DCDC2: variants seen among roughly 807,000 people sequenced by gnomAD.
The protein encoded by DCDC2 is doublecortin domain-containing protein 2.
A neutral mutation model predicts 50.2 loss-of-function variants in DCDC2; 40 were observed. That is an observed-to-expected ratio of 0.80 (90% CI 0.62 to 1.04). The LOEUF is 1.04. DCDC2 is among the 50% of genes least tolerant of loss of function. The pLI, the probability that DCDC2 is intolerant of heterozygous loss-of-function variation, is 0.00. For missense variants in DCDC2, 570 were observed against 581.9 expected (o/e 0.98, Z 0.21); for synonymous variants, 234 against 210.6 (o/e 1.11, Z -0.96).
intron 2 of DCDC2, among the ~76,000 whole-genome samples, chr6:24,315,793 T>C (rs1273958761): frequency 2.0e-5 from 3 of 151,918 alleles, no homozygotes; most frequent in Non-Finnish European, 4.4e-5. Flanking sequence ...ATAATTAGAC[T>C]CCACTGCAGA....
At chr6:24,314,424 G>A (rs1177816041) in intron 2 of DCDC2, among the ~76,000 whole-genome samples, 2 of 152,014 alleles carry the variant, frequency 1.3e-5, no homozygotes, top group Admixed American at 1.3e-4. Flanking sequence ...AATGAGCTAT[G>A]ATCATGCTAC....
chr6:24,317,538 C>T (rs1380999170), intron 2 of DCDC2, among the ~76,000 whole-genome samples: 2 of 151,962 alleles, frequency 1.3e-5, no homozygotes, highest in Non-Finnish European at 2.9e-5. Flanking sequence ...TGAAATCATA[C>T]AAGTACTAAA....
chr6:24,202,034 A>G (rs1761600714), intron 8 of DCDC2, among the ~76,000 whole-genome samples: 2 of 152,202 alleles, frequency 1.3e-5, no homozygotes, highest in African/African-American at 2.4e-5. Context: ...AGGCAGATTC[A>G]CAGCTGAATT....
chr6:24,236,799 C>A (rs1762449152), intron 7 of DCDC2, among the ~76,000 whole-genome samples: 1 of 152,114 alleles, frequency 6.6e-6, no homozygotes, highest in Non-Finnish European at 1.5e-5. Context: ...CACCTGAGGT[C>A]AGGAGTTCAA....
intron 6 of DCDC2, among the ~76,000 whole-genome samples, chr6:24,279,884 T>A (rs969586577): frequency 6.6e-6 from 1 of 152,224 alleles, no homozygotes; most frequent in Non-Finnish European, 1.5e-5. Flanking sequence ...GCTTATGGAG[T>A]GACTAGTACA....
In DCDC2 at chr6:24,329,762, C is replaced by T. The variant is rs73382219; in HGVS notation, c.348+23807G>A. On this transcript the variant is annotated intron_variant, in intron 2 of 9. Coordinates refer to ENST00000378454, the MANE Select transcript of DCDC2 (RefSeq NM_016356.5). ...ATCCCACATGAAACATTCTTTCCTG[C>T]GCTATCTTCTATCAGCATTTATTTT... 2.9e-3 allele frequency among the ~76,000 whole-genome samples: 445 copies of T among 152,232 alleles called. 5 individuals are homozygous for T. Among genetic ancestry groups the T allele is most frequent in the African/African-American group, 1.0e-2 (415 of 41,538 alleles).
At chr6:24,340,926 A>G (rs527417628) in intron 2 of DCDC2, among the ~76,000 whole-genome samples, 35 of 152,216 alleles carry the variant, frequency 2.3e-4, no homozygotes, top group African/African-American at 7.2e-4. Flanking sequence ...GGGTTTCATC[A>G]TGTTGGCCAG....
intron 8 of DCDC2, among the ~76,000 whole-genome samples, chr6:24,192,163 AG>A (rs1002804811): frequency 4.6e-5 from 7 of 152,202 alleles, no homozygotes; most frequent in Non-Finnish European, 7.3e-5. Context: ...GCTCAGAACA[AG>A]GGGACTATAC....
At chr6:24,280,049 T>C (rs192043385) in intron 6 of DCDC2, among the ~76,000 whole-genome samples, 1 of 152,332 alleles carries the variant, frequency 6.6e-6, no homozygotes, top group Admixed American at 6.5e-5. Context: ...AAAGTAAATG[T>C]AGTAATATTA....
chr6:24,292,429 T>C (rs567566183), intron 4 of DCDC2, among the ~76,000 whole-genome samples: 102 of 152,038 alleles, frequency 6.7e-4, no homozygotes, highest in African/African-American at 2.4e-3. Flanking sequence ...ACAATGAAAA[T>C]AGCCACCAAT....
chr6:24,341,613 G>C lies in DCDC2; in HGVS notation c.348+11956C>G, dbSNP rs900097439. On this transcript the variant is annotated intron_variant, in intron 2 of 9. Coordinates refer to ENST00000378454, the MANE Select transcript of DCDC2 (RefSeq NM_016356.5). ...ATAGGACTATTAGCCTCCTACTTTC[G>C]AGACATGGACCTTTTTAGTTGTTTT... Among the ~76,000 whole-genome samples the C allele has an allele frequency of 3.5e-4, 53 of 151,894 alleles. 1 individual carries two copies. The highest frequency in any genetic ancestry group is 1.2e-3 in the African/African-American group (49 of 41,410).
chr6:24,371,758 G>A, the DCDC2 span, among the ~76,000 whole-genome samples: 3 of 152,126 alleles, frequency 2.0e-5, no homozygotes, highest in African/African-American at 7.2e-5. Context: ...AATCTACAAC[G>A]AACTCAAACA....
At chr6:24,290,616 G>T (rs143569598) in intron 5 of DCDC2, among the ~76,000 whole-genome samples, 1 of 151,982 alleles carries the variant, frequency 6.6e-6, no homozygotes, top group Non-Finnish European at 1.5e-5. Context: ...TTCTAATAAT[G>T]TTTGCTGTAG....
At chr6:24,293,352 G>A (rs1245444287) in intron 4 of DCDC2, among the ~76,000 whole-genome samples, 2 of 152,130 alleles carry the variant, frequency 1.3e-5, no homozygotes, top group African/African-American at 2.4e-5. Context: ...TTTATGGGAT[G>A]CTTTTTATAT....
At chr6:24,186,917 A>T (rs1243710867) in intron 8 of DCDC2, among the ~76,000 whole-genome samples, 15 of 152,032 alleles carry the variant, frequency 9.9e-5, no homozygotes, top group Non-Finnish European at 2.1e-4. Context: ...ATCCAATCTG[A>T]CTCATGTCAA....
At chr6:24,228,272 T>A (rs1762272590) in intron 7 of DCDC2, among the ~76,000 whole-genome samples, 1 of 152,238 alleles carries the variant, frequency 6.6e-6, no homozygotes. Flanking sequence ...TAGAAATGTC[T>A]GCACCCAGCT....
At chr6:24,376,827 A>G in the DCDC2 span, among the ~76,000 whole-genome samples, 7 of 145,364 alleles carry the variant, frequency 4.8e-5, no homozygotes, top group Non-Finnish European at 7.6e-5. Context: ...TAAAAAAAAA[A>G]AAAGAAAGAA....
At chr6:24,350,945 A>T (rs1283526940) in intron 2 of DCDC2, among the ~76,000 whole-genome samples, 2 of 152,204 alleles carry the variant, frequency 1.3e-5, no homozygotes, top group Non-Finnish European at 2.9e-5. Flanking sequence ...CCTCCAACTT[A>T]TCAACTTGTT....
At chr6:24,320,628 G>A (rs1165734535) in intron 2 of DCDC2, among the ~76,000 whole-genome samples, 2 of 152,054 alleles carry the variant, frequency 1.3e-5, no homozygotes, top group East Asian at 1.9e-4. Context: ...CACCACACTC[G>A]GCTACAAACT....
Sources: gnomAD v4.1 joint callset for allele counts (sites outside exome capture counted in the v4.1 genomes callset) on GRCh38, gnomAD v4.1.1 for gene constraint, MANE v1.5 for transcripts, NCBI Gene and HGNC (gene_info 2026-07-23, HGNC 2026-07-21) for gene names.